Variants in ADIPOR2 observed in about 807,000 individuals in gnomAD.
ADIPOR2 encodes adiponectin receptor protein 2.
ADIPOR2 carries 18 observed loss-of-function variants against 40.9 expected under a neutral mutation model. The observed-to-expected ratio is 0.44, with a 90% CI of 0.30 to 0.65. The LOEUF (loss-of-function observed/expected upper bound fraction) is 0.65, where lower values mean the gene tolerates loss of function less well. Among genes scored for constraint, ADIPOR2 ranks in the 30% least tolerant of loss-of-function variants. The pLI, the probability that ADIPOR2 is intolerant of heterozygous loss-of-function variation, is 0.09. For synonymous variants in ADIPOR2, 165 were observed against 166.4 expected, an observed-to-expected ratio of 0.99 and a Z score of 0.06; for missense variants, 283 against 479.2, an observed-to-expected ratio of 0.59 and a Z score of 3.82.
At chr12:1,736,838 AC>A (rs1485939010) in intron 1 of ADIPOR2, among the ~76,000 whole-genome samples, 7 of 152,230 alleles carry the variant, frequency 4.6e-5, no homozygotes, top group African/African-American at 1.7e-4. Context: ...GTTTCAAAAA[AC>A]ATCTTTATTT....
chr12:1,757,102 GGAATTTTCAAGCTTGAAA>G, intron 2 of ADIPOR2: 1 of 236,630 alleles, frequency 4.2e-6, no homozygotes, highest in South Asian at 8.9e-5. Flanking sequence ...AGGAATCTAA[GGAATTTTCAAGCTTGAAA>G]GAATTTCAGG....
At chr12:1,726,013 T>TA (rs2094707241) in intron 1 of ADIPOR2, among the ~76,000 whole-genome samples, 3 of 152,070 alleles carry the variant, frequency 2.0e-5, no homozygotes, top group Non-Finnish European at 4.4e-5. Context: ...CTGTTGGTTT[T>TA]AAAAAAAATC....
rs542933058 is a variant in ADIPOR2 at position 1,740,715 on chromosome 12, C to T, written c.-86-13543C>T. The stretch of plus-strand genomic sequence containing the variant: ...GTACTGTGTGACAGATCCTGTTTTA[C>T]GTATGTATGTGTGTGTACTATGTGA... On this transcript the variant is annotated intron_variant, in intron 1 of 7. Transcript: ENST00000357103. 4.9e-4 allele frequency among the ~76,000 whole-genome samples: 75 copies of T among 152,212 alleles called. No homozygotes were observed. In the South Asian group the frequency reaches 0.011, roughly 22 times the overall value.
At chr12:1,703,101 G>C (rs1017164583) in intron 1 of ADIPOR2, 1 of 152,158 alleles carries the variant, frequency 6.6e-6, no homozygotes, top group African/African-American at 2.4e-5. Context: ...GACTAGTGAA[G>C]AAAGTTAAAA....
At chr12:1,785,735 C>A (rs1321632488) in intron 7 of ADIPOR2, among the ~76,000 whole-genome samples, 3 of 150,192 alleles carry the variant, frequency 2.0e-5, no homozygotes, top group Non-Finnish European at 4.5e-5. Flanking sequence ...ACCTTGGTTT[C>A]TTTGGGAACA....
At chr12:1,754,589 A>G (rs1862072351) in intron 2 of ADIPOR2, 75 bp downstream of exon 2, 2 of 1,427,584 alleles carry the variant, frequency 1.4e-6, no homozygotes, top group South Asian at 1.5e-5. Context: ...ATGGGGAAAA[A>G]AAAGTGGGGG....
At chr12:1,726,489 C>T (rs576580035) in intron 1 of ADIPOR2, among the ~76,000 whole-genome samples, 1 of 152,226 alleles carries the variant, frequency 6.6e-6, no homozygotes, top group African/African-American at 2.4e-5. Flanking sequence ...TGAACCACCA[C>T]CCCTGGCTGA....
At chr12:1,699,181 C>T (rs947833972) in intron 1 of ADIPOR2, among the ~76,000 whole-genome samples, 3 of 152,010 alleles carry the variant, frequency 2.0e-5, no homozygotes, top group Admixed American at 6.6e-5. Context: ...CTGGCAGTTC[C>T]GGTATATAGC....
chr12:1,763,145 C>A (rs1359285387), intron 2 of ADIPOR2, among the ~76,000 whole-genome samples: 1 of 152,144 alleles, frequency 6.6e-6, no homozygotes, highest in Non-Finnish European at 1.5e-5. Context: ...CCTTATGAAG[C>A]AGGATGGATT....
intron 2 of ADIPOR2, among the ~76,000 whole-genome samples, chr12:1,756,830 C>T (rs189587229): frequency 1.3e-5 from 2 of 152,134 alleles, no homozygotes; most frequent in Non-Finnish European, 2.9e-5. Flanking sequence ...TGGGTCAAAT[C>T]AACAAGACTT....
At chr12:1,731,989 C>T (rs2094721475) in intron 1 of ADIPOR2, among the ~76,000 whole-genome samples, 1 of 88,000 alleles carries the variant, frequency 1.1e-5, no homozygotes, top group Non-Finnish European at 2.5e-5. Flanking sequence ...ACAAAAAACA[C>T]CAAGTTTATT....
chr12:1,786,743 T>C lies in ADIPOR2; in HGVS notation c.*671T>C, dbSNP rs1461154157. ...TGTCTTGGTGCACCAAGATGCCTTC[T>C]AAAGGCTGACATACCTTGGACCCTA... On this transcript the variant is annotated 3_prime_UTR_variant, in exon 8 of 8. Transcript: ENST00000357103. 2 of 152,618 alleles carry C rather than the reference T, an allele frequency of 1.3e-5. No homozygotes were observed. Among genetic ancestry groups the C allele is most frequent in the African/African-American group, 4.8e-5 (2 of 41,428 alleles). The allele number at this position is 152,618 out of a possible 1,614,324, so 9.5% of individuals were successfully genotyped here. A position where few individuals can be genotyped will look rare whatever the true frequency, so the allele number is the denominator to read the frequency against.
intron 3 of ADIPOR2, among the ~76,000 whole-genome samples, chr12:1,775,852 T>C (rs1404298147): frequency 3.8e-5 from 1 of 26,146 alleles, no homozygotes; most frequent in Non-Finnish European, 9.4e-5. Context: ...ACTGGATCCC[T>C]GATCCCCTTT....
chr12:1,745,684 C>T (rs1328677372), intron 1 of ADIPOR2, among the ~76,000 whole-genome samples: 1 of 152,118 alleles, frequency 6.6e-6, no homozygotes, highest in Non-Finnish European at 1.5e-5. Flanking sequence ...CGTAAAGCAC[C>T]AGTGATTTTA....
chr12:1,759,746 G>A (rs1334400698), intron 2 of ADIPOR2, among the ~76,000 whole-genome samples: 1 of 151,920 alleles, frequency 6.6e-6, no homozygotes, highest in East Asian at 1.9e-4. Flanking sequence ...CTCCTTCCTG[G>A]CCAGGCGCAG....
chr12:1,775,881 TCC>T (rs1862582806), intron 3 of ADIPOR2, among the ~76,000 whole-genome samples: 1 of 152,104 alleles, frequency 6.6e-6, no homozygotes, highest in South Asian at 2.1e-4. Context: ...CTCCATAAAG[TCC>T]TGTGGAAGAT....
At chr12:1,746,420 G>A (rs1249607634) in intron 1 of ADIPOR2, among the ~76,000 whole-genome samples, 3 of 152,018 alleles carry the variant, frequency 2.0e-5, no homozygotes. Flanking sequence ...CCAGGGAGAC[G>A]GAGGTTGCAG....
intron 1 of ADIPOR2, among the ~76,000 whole-genome samples, chr12:1,714,225 C>G (rs752970445): frequency 1.4e-4 from 21 of 152,090 alleles, no homozygotes; most frequent in Non-Finnish European, 2.6e-4. Context: ...CCTCTCTGAA[C>G]CACCAAGGTC....
intron 3 of ADIPOR2, among the ~76,000 whole-genome samples, chr12:1,775,104 G>A (rs1006161912): frequency 6.6e-6 from 1 of 152,198 alleles, no homozygotes; most frequent in Non-Finnish European, 1.5e-5. Context: ...CCATAGTGCT[G>A]GGATTACAGG....
Sources: gnomAD v4.1 joint callset for allele counts (sites outside exome capture counted in the v4.1 genomes callset) on GRCh38, gnomAD v4.1.1 for gene constraint, MANE v1.5 for transcripts, NCBI Gene and HGNC (gene_info 2026-07-23, HGNC 2026-07-21) for gene names.